Variants in ACVR1 observed in about 807,000 individuals in gnomAD.
The protein encoded by ACVR1 is activin receptor type-1.
A neutral mutation model predicts 57.1 loss-of-function variants in ACVR1; 38 were observed. That is an observed-to-expected ratio of 0.67 (90% confidence interval 0.51 to 0.87). The LOEUF is 0.87. ACVR1 is among the 40% of genes least tolerant of loss of function. The pLI is 0.00. For synonymous variants in ACVR1, 212 were observed against 228.1 expected, an observed-to-expected ratio of 0.93 and a Z score of 0.63; for missense variants, 463 against 638.2, an observed-to-expected ratio of 0.73 and a Z score of 2.96.
chr2:157,738,618 T>G, intron 9 of ACVR1, 48 bp from the exon 10 acceptor site: 1 of 1,613,680 alleles, frequency 6.2e-7, no homozygotes, highest in South Asian at 1.1e-5. Flanking sequence ...AGAGTACAGG[T>G]TGCCCCAAGG....
intron 2 of ACVR1, among the ~76,000 whole-genome samples, chr2:157,802,861 G>T (rs1687377390): frequency 6.6e-6 from 1 of 152,066 alleles, no homozygotes; most frequent in South Asian, 2.1e-4. Flanking sequence ...GTTCATCACT[G>T]CCAGAGCCAA....
chr2:157,788,715 G>A (rs537138470), intron 3 of ACVR1, among the ~76,000 whole-genome samples: 10 of 152,202 alleles, frequency 6.6e-5, no homozygotes, highest in East Asian at 5.8e-4. Flanking sequence ...TCCACCGGGG[G>A]TCTTGGAATG....
intron 1 of ACVR1, among the ~76,000 whole-genome samples, chr2:157,826,249 C>T (rs1049430552): frequency 2.6e-5 from 4 of 152,174 alleles, no homozygotes; most frequent in African/African-American, 9.7e-5. Flanking sequence ...AAAACTTCAA[C>T]GAGGAGCCTC....
At chr2:157,754,806 AAAAAG>A (rs1194920171) in intron 9 of ACVR1, among the ~76,000 whole-genome samples, 1 of 152,124 alleles carries the variant, frequency 6.6e-6, no homozygotes, top group Non-Finnish European at 1.5e-5. Flanking sequence ...AACATAACAA[AAAAAG>A]AAAAGTACAG....
chr2:157,805,772 T>C (rs1032005712), intron 2 of ACVR1, among the ~76,000 whole-genome samples: 16 of 151,834 alleles, frequency 1.1e-4, no homozygotes, highest in South Asian at 6.2e-4. Flanking sequence ...CTGTCATCCT[T>C]AACAGTTTTT....
intron 9 of ACVR1, among the ~76,000 whole-genome samples, chr2:157,760,157 G>A (rs1313716847): frequency 6.6e-6 from 1 of 152,088 alleles, no homozygotes; most frequent in Non-Finnish European, 1.5e-5. Flanking sequence ...AAGTCAAATT[G>A]TCCCTCTTTG....
chr2:157,797,456 C>A (rs1385201265), intron 3 of ACVR1, among the ~76,000 whole-genome samples: 1 of 152,168 alleles, frequency 6.6e-6, no homozygotes, highest in Non-Finnish European at 1.5e-5. Context: ...CAATAAGCAC[C>A]ACTCTTCATG....
intron 9 of ACVR1, among the ~76,000 whole-genome samples, chr2:157,752,634 C>G (rs181637643): frequency 1.6e-3 from 242 of 152,292 alleles, no homozygotes; most frequent in Non-Finnish European, 3.2e-3. Flanking sequence ...GATTGGGGCC[C>G]TATCTTCAGC....
chr2:157,796,098 T>A (rs1687107096), intron 3 of ACVR1, among the ~76,000 whole-genome samples: 1 of 151,864 alleles, frequency 6.6e-6, no homozygotes. Context: ...GTTCCCTGCC[T>A]GTGGTCCCAG....
chr2:157,807,923 TCTCTCTCTCTCC>T (rs1687617878), intron 2 of ACVR1, among the ~76,000 whole-genome samples: 3 of 148,510 alleles, frequency 2.0e-5, no homozygotes, highest in Admixed American at 6.9e-5. Context: ...TCTTTCTCTC[TCTCTCTCTCTCC>T]CTCTCTCTCT....
chr2:157,767,823 C>A (rs1052225827), intron 7 of ACVR1, among the ~76,000 whole-genome samples: 2 of 152,086 alleles, frequency 1.3e-5, no homozygotes, highest in African/African-American at 4.8e-5. Flanking sequence ...TGATACCTTG[C>A]ATAGGAAGGC....
At chr2:157,826,363 A>C (rs1193805711) in intron 1 of ACVR1, among the ~76,000 whole-genome samples, 4 of 152,108 alleles carry the variant, frequency 2.6e-5, no homozygotes, top group Non-Finnish European at 2.9e-5. Context: ...ATGAAGTTTA[A>C]AATTATAGAA....
intron 2 of ACVR1, among the ~76,000 whole-genome samples, chr2:157,804,495 G>A (rs151007707): frequency 6.6e-6 from 1 of 152,164 alleles, no homozygotes. Context: ...CTTGTGCAAG[G>A]CTGTAATGCC....
At chr2:157,860,826 A>C (rs1001141393) in intron 1 of ACVR1, among the ~76,000 whole-genome samples, 1 of 151,900 alleles carries the variant, frequency 6.6e-6, no homozygotes, top group Non-Finnish European at 1.5e-5. Flanking sequence ...ACCCCTTCCT[A>C]CGCTCAAGTC....
intron 9 of ACVR1, among the ~76,000 whole-genome samples, chr2:157,738,902 CA>C (rs1329202589): frequency 6.6e-6 from 1 of 152,136 alleles, no homozygotes. Context: ...AGACATAGAA[CA>C]AAAATTCCTT....
intron 9 of ACVR1, among the ~76,000 whole-genome samples, chr2:157,756,472 A>AACAATC: frequency 6.6e-6 from 1 of 152,120 alleles, no homozygotes; most frequent in Non-Finnish European, 1.5e-5. Flanking sequence ...GAAAAAAACA[A>AACAATC]CTTCATCAAA....
intron 2 of ACVR1, among the ~76,000 whole-genome samples, chr2:157,802,582 C>T (rs911240608): frequency 3.9e-5 from 6 of 152,120 alleles, no homozygotes; most frequent in Non-Finnish European, 7.4e-5. Flanking sequence ...ACGTGATGCT[C>T]CCTATGATTG....
At chr2:157,794,030 A>T (rs1418360839) in intron 3 of ACVR1, among the ~76,000 whole-genome samples, 1 of 152,220 alleles carries the variant, frequency 6.6e-6, no homozygotes, top group East Asian at 1.9e-4. Context: ...GGCTATAATA[A>T]AATCTAACTG....
rs1685848386 is a variant in ACVR1, at chr2:157,766,025, A to G, written c.962T>C (p.Ile321Thr). The G allele has an allele frequency of 1.9e-6, 3 of 1,614,004 alleles. No homozygotes were observed. The highest frequency in any genetic ancestry group is 1.3e-5 in the African/African-American group (1 of 74,916). The stretch of plus-strand genomic sequence containing the variant: ...TTTCCCTTGGGTCCCAAATATCTCT[A>G]TGTGCAAATGTGCAAGACCACTAGC... ...SIASGLAHLH[I>T]EIFGTQGKPA... Residue 321 changes from isoleucine to threonine, a missense_variant, in exon 8 of 11, where the codon ATA becomes ACA. This residue lies in a region of ACVR1 where 114 missense variants were observed against 216.2 expected (regional missense o/e 0.53). Transcript: ENST00000434821.
Sources: gnomAD v4.1 joint callset for allele counts (sites outside exome capture counted in the v4.1 genomes callset) on GRCh38, gnomAD v4.1.1 for gene constraint, gnomAD v4.1.1 regional missense constraint, MANE v1.5 for transcripts, NCBI Gene and HGNC (gene_info 2026-07-23, HGNC 2026-07-21) for gene names.